Variants in UST observed in about 807,000 individuals in gnomAD.
UST encodes the protein chondroitin sulfate 2-O-sulfotransferase.
In UST, 21 loss-of-function variants were observed where a neutral mutation model predicts 45.6. That is an observed-to-expected ratio of 0.46 (90% CI 0.33 to 0.66). UST has a LOEUF of 0.66. Among genes scored for constraint, UST ranks in the 30% least tolerant of loss-of-function variants. The pLI, the probability that UST is intolerant of heterozygous loss-of-function variation, is 0.02. For synonymous variants in UST, 215 were observed against 200.6 expected, an observed-to-expected ratio of 1.07 and a Z score of -0.61; for missense variants, 463 against 512.4, an observed-to-expected ratio of 0.90 and a Z score of 0.93.
intron 1 of UST, among the ~76,000 whole-genome samples, chr6:148,832,748 C>T (rs577298383): frequency 1.4e-4 from 21 of 152,264 alleles, no homozygotes; most frequent in South Asian, 1.0e-3. Flanking sequence ...TTGGGATACC[C>T]AGTGGTGCAG....
intron 4 of UST, among the ~76,000 whole-genome samples, chr6:148,961,041 T>G (rs1207466423): frequency 6.6e-6 from 1 of 152,186 alleles, no homozygotes; most frequent in Non-Finnish European, 1.5e-5. Flanking sequence ...TGTTCGGAAA[T>G]GCCTCTCAGA....
intron 5 of UST, among the ~76,000 whole-genome samples, chr6:148,974,316 T>C (rs1376904055): frequency 4.3e-5 from 3 of 70,278 alleles, no homozygotes; most frequent in Non-Finnish European, 1.0e-4. Context: ...TGCCTTATAA[T>C]ATTAAAAAAA....
chr6:148,822,269 C>T (rs921040298), intron 1 of UST, among the ~76,000 whole-genome samples: 2 of 152,194 alleles, frequency 1.3e-5, no homozygotes, highest in Admixed American at 6.5e-5. Flanking sequence ...GTATTCCAAT[C>T]CTAATCTAAC....
chr6:148,789,240 T>C (rs1776790010), intron 1 of UST, among the ~76,000 whole-genome samples: 2 of 152,186 alleles, frequency 1.3e-5, no homozygotes, highest in African/African-American at 4.8e-5. Flanking sequence ...TTTAGCTGAA[T>C]GATCTAGAAA....
intron 5 of UST, among the ~76,000 whole-genome samples, chr6:149,003,805 A>C (rs1300953939): frequency 6.6e-6 from 1 of 152,210 alleles, no homozygotes. Context: ...TAGAAGGTTC[A>C]GAGAGTGGAA....
At chr6:148,757,858 G>A (rs1032207448) in intron 1 of UST, among the ~76,000 whole-genome samples, 3 of 152,218 alleles carry the variant, frequency 2.0e-5, no homozygotes, top group Non-Finnish European at 4.4e-5. Context: ...GAAGGATATA[G>A]GTTTTGGAGC....
At chr6:148,760,496 G>A (rs1776193814) in intron 1 of UST, among the ~76,000 whole-genome samples, 1 of 152,072 alleles carries the variant, frequency 6.6e-6, no homozygotes. Context: ...TTGTCTATTG[G>A]ACTTTATAGT....
intron 1 of UST, among the ~76,000 whole-genome samples, chr6:148,860,674 A>T (rs906393971): frequency 2.6e-5 from 4 of 152,220 alleles, no homozygotes; most frequent in African/African-American, 9.7e-5. Flanking sequence ...TGTTCCATCA[A>T]TACCTAGTTT....
At chr6:148,982,685 T>C (rs569022961) in intron 5 of UST, among the ~76,000 whole-genome samples, 8 of 152,210 alleles carry the variant, frequency 5.3e-5, no homozygotes, top group Non-Finnish European at 1.0e-4. Context: ...AATACGTTAT[T>C]ATCAAAAAGA....
intron 7 of UST, among the ~76,000 whole-genome samples, chr6:149,030,789 C>T (rs1290595628): frequency 1.3e-5 from 2 of 151,740 alleles, no homozygotes; most frequent in Non-Finnish European, 2.9e-5. Flanking sequence ...TAAGCCAGTA[C>T]GAGGCAATAC....
chr6:148,954,045 C>G, intron 4 of UST, 94 bp downstream of exon 4: 1 of 918,184 alleles, frequency 1.1e-6, no homozygotes, highest in Non-Finnish European at 1.6e-6. Context: ...GTGCAATTGC[C>G]CTTGAAAAGA....
chr6:148,932,105 C>T (rs774456680), intron 2 of UST, among the ~76,000 whole-genome samples: 4 of 152,278 alleles, frequency 2.6e-5, no homozygotes, highest in Non-Finnish European at 4.4e-5. Context: ...TTTGGCCGAG[C>T]GCGGTGCCTC....
intron 1 of UST, among the ~76,000 whole-genome samples, chr6:148,752,266 T>G (rs1776005418): frequency 6.6e-6 from 1 of 152,224 alleles, no homozygotes. Context: ...TCTTTGAACC[T>G]AAAAAGCCAA....
At chr6:149,057,506 A>G (rs558577318) in intron 7 of UST, among the ~76,000 whole-genome samples, 2 of 152,338 alleles carry the variant, frequency 1.3e-5, no homozygotes, top group African/African-American at 4.8e-5. Context: ...TAAGAAGAAA[A>G]GTTACTGCTC....
At chr6:148,981,749 A>G (rs942007141) in intron 5 of UST, among the ~76,000 whole-genome samples, 14 of 152,248 alleles carry the variant, frequency 9.2e-5, no homozygotes, top group South Asian at 4.1e-4. Context: ...CATATTTTTC[A>G]TTCATATAAA....
At chr6:148,852,774 G>A (rs1215652362) in intron 1 of UST, among the ~76,000 whole-genome samples, 1 of 152,040 alleles carries the variant, frequency 6.6e-6, no homozygotes, top group Admixed American at 6.6e-5. Context: ...AGCCTGAGTT[G>A]GTTATTCCTC....
intron 1 of UST, among the ~76,000 whole-genome samples, chr6:148,837,891 C>G (rs577764845): frequency 2.6e-5 from 4 of 151,994 alleles, no homozygotes; most frequent in African/African-American, 9.7e-5. Flanking sequence ...TTTGTAGAGA[C>G]GGGGTTTCGC....
At chr6:149,036,227 C>T (rs1244043531) in intron 7 of UST, among the ~76,000 whole-genome samples, 3 of 152,210 alleles carry the variant, frequency 2.0e-5, no homozygotes, top group Admixed American at 2.0e-4. Context: ...GACTGCCAGC[C>T]TCAGACCCAG....
chr6:148,893,222 T>C (rs1779053123), intron 2 of UST, among the ~76,000 whole-genome samples: 1 of 152,198 alleles, frequency 6.6e-6, no homozygotes, highest in African/African-American at 2.4e-5. Flanking sequence ...CGTTGTAAAA[T>C]GGGTTCATTA....
Sources: allele counts gnomAD v4.1 joint callset (sites outside exome capture counted in the v4.1 genomes callset), GRCh38; gene constraint gnomAD v4.1.1; transcripts MANE v1.5; gene names NCBI Gene and HGNC (gene_info 2026-07-23, HGNC 2026-07-21).